The following NFIA variants were observed in gnomAD, a reference collection of about 807,000 sequenced individuals.
The protein encoded by NFIA is nuclear factor I A.
A neutral mutation model predicts 62.8 loss-of-function variants in NFIA; 8 were observed. The ratio of observed to expected loss-of-function variants is 0.13; its 90% CI spans 0.07 to 0.23. The LOEUF (loss-of-function observed/expected upper bound fraction) is 0.23. Ranked by LOEUF, NFIA falls within the 10% of genes least tolerant of loss-of-function variation. The pLI is 1.00. For synonymous variants in NFIA, 235 were observed against 238.1 expected, an observed-to-expected ratio of 0.99 and a Z score of 0.12; for missense variants, 410 against 642.1, an observed-to-expected ratio of 0.64 and a Z score of 3.91.
Position 61,406,543 on chromosome 1 carries a change from G to GGGGCCCCCC in NFIA, c.1255-19_1255-18insGGGCCCCCC. The GGGGCCCCCC allele has an allele frequency of 8.0e-6, 7 of 876,646 alleles. No homozygotes were observed. Among genetic ancestry groups the GGGGCCCCCC allele is most frequent in the Non-Finnish European group, 1.1e-5 (7 of 653,738 alleles). The allele number at this position is 876,646 out of a possible 1,614,324, so 54.3% of individuals were successfully genotyped here. ...TCTTTTTCTTGTACGTGTGTTTTCT[G>GGGGCCCCCC]CCCCCCCCCCCCCCACAGCCCAATG... On this transcript the variant is annotated intron_variant, in intron 8 of 10. Coordinates refer to ENST00000403491, the MANE Select transcript of NFIA (RefSeq NM_001134673.4).
intron 2 of NFIA, among the ~76,000 whole-genome samples, chr1:61,186,004 TC>T (rs1255160298): frequency 6.6e-6 from 1 of 152,222 alleles, no homozygotes; most frequent in Non-Finnish European, 1.5e-5. Context: ...TTTGCACTTT[TC>T]CTAATCACAT....
intron 2 of NFIA, among the ~76,000 whole-genome samples, chr1:61,228,187 G>T (rs1473986100): frequency 6.6e-6 from 1 of 152,096 alleles, no homozygotes; most frequent in African/African-American, 2.4e-5. Context: ...AGAATTGTCA[G>T]TCATTTCAGG....
intron 6 of NFIA, among the ~76,000 whole-genome samples, chr1:61,374,801 T>C (rs1250602961): frequency 6.6e-6 from 1 of 152,212 alleles, no homozygotes; most frequent in Non-Finnish European, 1.5e-5. Context: ...CCTCAGAAGC[T>C]ATATTAACTT....
chr1:61,129,438 A>C (rs1647034931), intron 2 of NFIA, among the ~76,000 whole-genome samples: 1 of 135,516 alleles, frequency 7.4e-6, no homozygotes, highest in African/African-American at 2.8e-5. Flanking sequence ...TAGTCGTGAT[A>C]CTTTCTTTAT....
At chr1:61,359,878 A>C (rs548345316) in intron 6 of NFIA, among the ~76,000 whole-genome samples, 1 of 152,154 alleles carries the variant, frequency 6.6e-6, no homozygotes, top group East Asian at 1.9e-4. Context: ...TGATTCACCC[A>C]CCTCGGCCTC....
chr1:61,433,084 C>G (rs1462051679), intron 10 of NFIA, among the ~76,000 whole-genome samples: 1 of 152,144 alleles, frequency 6.6e-6, no homozygotes, highest in East Asian at 1.9e-4. Flanking sequence ...AGGTTACTGA[C>G]CATTTTCTCT....
intron 2 of NFIA, among the ~76,000 whole-genome samples, chr1:61,223,734 G>A (rs1207878906): frequency 6.6e-6 from 1 of 151,844 alleles, no homozygotes; most frequent in Non-Finnish European, 1.5e-5. Flanking sequence ...CCTCTTCTCT[G>A]TATTTCTATT....
At chr1:61,351,540 T>C (rs1384845957) in intron 4 of NFIA, among the ~76,000 whole-genome samples, 4 of 152,232 alleles carry the variant, frequency 2.6e-5, no homozygotes, top group Admixed American at 6.5e-5. Context: ...TTTGCACTAA[T>C]AATTTACACC....
At chr1:61,391,592 A>G (rs1446344289) in intron 7 of NFIA, among the ~76,000 whole-genome samples, 1 of 152,156 alleles carries the variant, frequency 6.6e-6, no homozygotes, top group Non-Finnish European at 1.5e-5. Flanking sequence ...ATAGACCTTA[A>G]GAGAAATGAG....
intron 2 of NFIA, among the ~76,000 whole-genome samples, chr1:61,090,794 C>T (rs150226117): frequency 3.3e-5 from 5 of 152,196 alleles, no homozygotes; most frequent in East Asian, 1.9e-4. Flanking sequence ...TTCACGGGAC[C>T]GCAGTAATGG....
At chr1:61,394,173 A>AC (rs1004100431) in intron 7 of NFIA, among the ~76,000 whole-genome samples, 2 of 151,690 alleles carry the variant, frequency 1.3e-5, no homozygotes, top group Non-Finnish European at 2.9e-5. Flanking sequence ...ATTCTTTCTT[A>AC]CCCCCCTCTG....
chr1:61,090,260 A>T (rs1646297581), intron 2 of NFIA, among the ~76,000 whole-genome samples: 1 of 152,206 alleles, frequency 6.6e-6, no homozygotes, highest in South Asian at 2.1e-4. Context: ...TTCAAGAAGC[A>T]CTCTTTAAAA....
intron 3 of NFIA, among the ~76,000 whole-genome samples, chr1:61,286,011 C>T (rs1658465990): frequency 6.6e-6 from 1 of 152,116 alleles, no homozygotes; most frequent in Non-Finnish European, 1.5e-5. Context: ...GTCAAATTAG[C>T]AAAAGAGACT....
chr1:61,136,759 T>A (rs1213273559), intron 2 of NFIA, among the ~76,000 whole-genome samples: 1 of 152,204 alleles, frequency 6.6e-6, no homozygotes, highest in East Asian at 1.9e-4. Flanking sequence ...TTGGCAGACC[T>A]GGGTTCAAAT....
At chr1:61,301,362 CAT>C (rs1659488314) in intron 3 of NFIA, among the ~76,000 whole-genome samples, 1 of 152,190 alleles carries the variant, frequency 6.6e-6, no homozygotes, top group Non-Finnish European at 1.5e-5. Context: ...AAATTCACAT[CAT>C]GAAATTTATA....
At chr1:61,328,738 T>TA (rs1386811937) in intron 3 of NFIA, among the ~76,000 whole-genome samples, 1 of 149,038 alleles carries the variant, frequency 6.7e-6, no homozygotes, top group African/African-American at 2.5e-5. Flanking sequence ...TTTTTTTTTT[T>TA]TTTGAGACGG....
intron 2 of NFIA, among the ~76,000 whole-genome samples, chr1:61,128,820 G>C (rs1013169101): frequency 2.0e-5 from 3 of 151,054 alleles, no homozygotes; most frequent in African/African-American, 7.3e-5. Context: ...AATTCCCTAT[G>C]CTCTACAGAT....
At chr1:61,144,115 T>C (rs1647745271) in intron 2 of NFIA, among the ~76,000 whole-genome samples, 1 of 152,226 alleles carries the variant, frequency 6.6e-6, no homozygotes, top group Non-Finnish European at 1.5e-5. Flanking sequence ...ATCCTTGCTC[T>C]GACAGAGGTG....
At chr1:61,405,993 T>C (rs1399852130) in intron 8 of NFIA, among the ~76,000 whole-genome samples, 1 of 152,164 alleles carries the variant, frequency 6.6e-6, no homozygotes, top group Non-Finnish European at 1.5e-5. Context: ...TGAACAAAAT[T>C]TTCTATGTTC....
Sources: allele counts gnomAD v4.1 joint callset (sites outside exome capture counted in the v4.1 genomes callset), GRCh38; gene constraint gnomAD v4.1.1; transcripts MANE v1.5; gene names NCBI Gene and HGNC (gene_info 2026-07-23, HGNC 2026-07-21).